Variants in HDX observed in about 807,000 individuals in gnomAD.
The protein encoded by HDX is chromosome X open reading frame 43.
Under a neutral mutation model 45.2 loss-of-function variants are expected in HDX, and 19 were observed. The observed-to-expected ratio is 0.42, with a 90% CI of 0.29 to 0.62. HDX has a LOEUF of 0.62. Ranked by LOEUF, HDX falls within the 20% of genes least tolerant of loss-of-function variation. The pLI, the probability that HDX is intolerant of heterozygous loss-of-function variation, is 0.20. For missense variants in HDX, 532 were observed against 493.9 expected (o/e 1.08, Z -0.73); for synonymous variants, 188 against 172.8 (o/e 1.09, Z -0.69).
chrX:84,431,706 T>C (rs1028726816), intron 5 of HDX, among the ~76,000 whole-genome samples: 1 of 111,650 alleles, frequency 9.0e-6, no homozygotes, highest in African/African-American at 3.2e-5. Context: ...TATAAACTTG[T>C]TTAAGTTCCT....
At chrX:84,358,447 T>C (rs1156996547) in intron 6 of HDX, among the ~76,000 whole-genome samples, 1 of 111,992 alleles carries the variant, frequency 8.9e-6, no homozygotes, top group African/African-American at 3.2e-5. Context: ...ATACTATGAC[T>C]CTACTCCAAT....
intron 6 of HDX, among the ~76,000 whole-genome samples, chrX:84,353,711 A>T (rs1291205992): frequency 9.0e-6 from 1 of 111,491 alleles, no homozygotes; most frequent in Non-Finnish European, 1.9e-5. Flanking sequence ...AGAGATTAGA[A>T]TTTGAGTATA....
chrX:84,362,923 T>C (rs1032975878), intron 5 of HDX, among the ~76,000 whole-genome samples: 1 of 111,740 alleles, frequency 8.9e-6, no homozygotes, highest in African/African-American at 3.3e-5. Context: ...AGCTTTTGAA[T>C]AGTAAATTCA....
chrX:84,373,498 C>A (rs894538778), intron 5 of HDX, among the ~76,000 whole-genome samples: 2 of 110,719 alleles, frequency 1.8e-5, no homozygotes, highest in Non-Finnish European at 3.8e-5. Context: ...AATATTGATG[C>A]AAAAATCCTC....
intron 10 of HDX, among the ~76,000 whole-genome samples, chrX:84,322,851 A>G (rs1489539085): frequency 9.0e-6 from 1 of 111,279 alleles, no homozygotes; most frequent in Non-Finnish European, 1.9e-5. Context: ...GCTGCTTCCA[A>G]TACTAAGAAT....
intron 5 of HDX, among the ~76,000 whole-genome samples, chrX:84,398,582 G>A (rs769968630): frequency 1.8e-3 from 201 of 111,891 alleles, no homozygotes; most frequent in African/African-American, 6.4e-3. Flanking sequence ...AGTTCTTAGA[G>A]ACCTACAAAG....
intron 1 of HDX, among the ~76,000 whole-genome samples, chrX:84,492,149 T>G (rs1294987438): frequency 9.0e-6 from 1 of 111,100 alleles, no homozygotes; most frequent in African/African-American, 3.3e-5. Flanking sequence ...ACCTGAGCTA[T>G]TGTCTGGAAA....
chrX:84,382,738 T>C (rs1168403392), intron 5 of HDX, among the ~76,000 whole-genome samples: 5 of 111,368 alleles, frequency 4.5e-5, no homozygotes, highest in Non-Finnish European at 9.5e-5. Flanking sequence ...GGATAGTTAA[T>C]GGCTACAAAA....
intron 5 of HDX, among the ~76,000 whole-genome samples, chrX:84,406,833 A>G (rs1482812400): frequency 5.4e-5 from 6 of 110,925 alleles, no homozygotes; most frequent in African/African-American, 6.5e-5. Flanking sequence ...TTCATATGAA[A>G]TTAAGTAAGA....
At chrX:84,490,677 G>A (rs2039193844) in intron 1 of HDX, among the ~76,000 whole-genome samples, 1 of 107,135 alleles carries the variant, frequency 9.3e-6, no homozygotes, top group African/African-American at 3.3e-5. Context: ...GGTATGAGTG[G>A]ATGAACTTTT....
chrX:84,327,437 A>G (rs911479394), intron 9 of HDX, among the ~76,000 whole-genome samples: 1 of 112,144 alleles, frequency 8.9e-6, no homozygotes, highest in African/African-American at 3.2e-5. Flanking sequence ...ATAAGGATAG[A>G]CATATCAACC....
chrX:84,343,870 T>C (rs1400161319), intron 7 of HDX, among the ~76,000 whole-genome samples: 1 of 110,657 alleles, frequency 9.0e-6, no homozygotes, highest in Admixed American at 9.6e-5. Flanking sequence ...AAGCTAGGAG[T>C]TGCATCCACA....
chrX:84,475,118 G>C, intron 3 of HDX, 133 bp downstream of exon 3: 3 of 477,543 alleles, frequency 6.3e-6, no homozygotes, highest in Non-Finnish European at 1.1e-5. Context: ...TTTTAAAATA[G>C]TATTGTTATA....
At chrX:84,491,588 G>A (rs747967508) in intron 1 of HDX, among the ~76,000 whole-genome samples, 10 of 111,041 alleles carry the variant, frequency 9.0e-5, no homozygotes, top group Admixed American at 7.7e-4. Context: ...GTAATTCTTC[G>A]TTTAAAATCA....
rs765239068 is a variant in HDX, at chrX:84,395,089, G to A, written c.1306-33477C>T. ...AATTGTTGTTTTCTCTCATATCATC[G>A]TTGTGGCTTGGTGGTTTTCTGTAGT... On this transcript the variant is annotated intron_variant, in intron 5 of 10. Transcript: ENST00000373177. Among the ~76,000 whole-genome samples, 155 of 110,734 alleles carry A rather than the reference G, an allele frequency of 1.4e-3. 1 individual carries two copies. Among genetic ancestry groups the A allele is most frequent in the Non-Finnish European group, 1.5e-3 (79 of 52,761 alleles).
In HDX at chrX:84,409,753, A is replaced by G. The variant is rs1460690360; in HGVS notation, c.1305+30779T>C. 4.9e-5 allele frequency among the ~76,000 whole-genome samples: 5 copies of G among 102,877 alleles called. No homozygotes were observed. In the East Asian group the frequency reaches 1.3e-3, roughly 27 times the overall value. The allele number at this position is 102,877 out of a possible 115,157, so 89.3% of individuals were successfully genotyped here. A position where few individuals can be genotyped will look rare whatever the true frequency, so the allele number is the denominator to read the frequency against. ...TGGGGGGAGGGGGAGGGATAGCATT[A>G]GGAGATATACCTAATGCTAAATGAC... On this transcript the variant is annotated intron_variant, in intron 5 of 10. Transcript: ENST00000373177.
At chrX:84,475,593 C>T (rs1280498080) in intron 2 of HDX, among the ~76,000 whole-genome samples, 196 bp from the exon 3 acceptor site, 1 of 111,101 alleles carries the variant, frequency 9.0e-6, no homozygotes, top group Non-Finnish European at 1.9e-5. Context: ...ATAGTGCAAA[C>T]ACTTATTGAA....
chrX:84,448,878 A>G, intron 4 of HDX, among the ~76,000 whole-genome samples: 1 of 110,663 alleles, frequency 9.0e-6, no homozygotes, highest in Middle Eastern at 4.7e-3. Flanking sequence ...GATAATTCAG[A>G]AAAATAATAC....
rs1209264521 is a variant in HDX, at chrX:84,328,574, C to A, written c.1825-2274G>T. ...AAAAAGCAAAATATTTGAACACACT[C>A]TTCATCAAATAAGGTATCTGAATGA... On this transcript the variant is annotated intron_variant, in intron 9 of 10. Coordinates refer to ENST00000373177, the MANE Select transcript of HDX (RefSeq NM_001177479.2). Among the ~76,000 whole-genome samples the A allele has an allele frequency of 3.6e-5, 4 of 111,600 alleles. No homozygotes were observed. In the East Asian group the frequency reaches 1.1e-3, roughly 31 times the overall value.
Sources: gnomAD v4.1 joint callset for allele counts (sites outside exome capture counted in the v4.1 genomes callset) on GRCh38, gnomAD v4.1.1 for gene constraint, MANE v1.5 for transcripts, NCBI Gene and HGNC (gene_info 2026-07-23, HGNC 2026-07-21) for gene names.